The following CNTNAP4 variants were observed in gnomAD, a reference collection of about 807,000 sequenced individuals.
CNTNAP4 encodes contactin-associated protein-like 4.
In CNTNAP4, 98 loss-of-function variants were observed where a neutral mutation model predicts 148.4. The ratio of observed to expected loss-of-function variants is 0.66; its 90% CI spans 0.56 to 0.78. CNTNAP4 has a LOEUF of 0.78. CNTNAP4 is among the 30% of genes least tolerant of loss of function. The pLI is 0.00. For synonymous variants in CNTNAP4, 730 were observed against 565.1 expected, an observed-to-expected ratio of 1.29 and a Z score of -4.14; for missense variants, 1,935 against 1,565.6, an observed-to-expected ratio of 1.24 and a Z score of -3.98.
intron 1 of CNTNAP4, among the ~76,000 whole-genome samples, chr16:76,314,193 T>C (rs1191862470): frequency 6.6e-6 from 1 of 152,242 alleles, no homozygotes; most frequent in Non-Finnish European, 1.5e-5. Context: ...GTGTAATATA[T>C]TTTATATGAA....
intron 1 of CNTNAP4, among the ~76,000 whole-genome samples, chr16:76,313,373 C>G (rs566863310): frequency 6.6e-6 from 1 of 152,294 alleles, no homozygotes; most frequent in Admixed American, 6.5e-5. Context: ...CTAGTAAACA[C>G]ACACCCACAT....
At chr16:76,331,520 A>G (rs1407505229) in intron 2 of CNTNAP4, among the ~76,000 whole-genome samples, 1 of 146,834 alleles carries the variant, frequency 6.8e-6, no homozygotes, top group Non-Finnish European at 1.5e-5. Flanking sequence ...TTTTTTTCTT[A>G]GTGATTACTT....
intron 3 of CNTNAP4, among the ~76,000 whole-genome samples, chr16:76,372,621 G>A (rs1184749711): frequency 6.6e-6 from 1 of 152,056 alleles, no homozygotes; most frequent in Admixed American, 6.5e-5. Flanking sequence ...CCTTTCGCTT[G>A]GCTCTCATTC....
In CNTNAP4 at chr16:76,493,779, A is replaced by G. The variant is rs934699163; in HGVS notation, c.2081-1131A>G. 3.3e-5 allele frequency among the ~76,000 whole-genome samples: 5 copies of G among 152,206 alleles called. No individual in the cohort carries two copies. In the South Asian group the frequency reaches 8.3e-4, roughly 25 times the overall value. On this transcript the variant is annotated intron_variant, in intron 13 of 23. Transcript: ENST00000611870. Reference sequence around the variant, plus strand: ...TTTATGCATAACACAGCTTCTAATAACTCTTTGCTGGTTTTTTGTTTTTGT... The same window carrying G: ...TTTATGCATAACACAGCTTCTAATAGCTCTTTGCTGGTTTTTTGTTTTTGT...
At chr16:76,522,848 C>T (rs900004708) in intron 17 of CNTNAP4, among the ~76,000 whole-genome samples, 5 of 151,032 alleles carry the variant, frequency 3.3e-5, no homozygotes, top group African/African-American at 9.7e-5. Context: ...CTGCAACCTC[C>T]GCCCCCAGGG....
At chr16:76,340,675 C>G (rs1258918520) in intron 2 of CNTNAP4, among the ~76,000 whole-genome samples, 1 of 152,188 alleles carries the variant, frequency 6.6e-6, no homozygotes, top group Admixed American at 6.5e-5. Flanking sequence ...CCTATTCTAG[C>G]ATGCAAACAT....
chr16:76,504,857 C>T (rs2082784162), intron 15 of CNTNAP4, among the ~76,000 whole-genome samples: 1 of 152,086 alleles, frequency 6.6e-6, no homozygotes, highest in Non-Finnish European at 1.5e-5. Context: ...AGTAAAGATC[C>T]TTAGCATCAT....
At position 76,553,011 on chromosome 16, in the gene CNTNAP4, C is replaced by G. The variant is rs940965724; in HGVS notation, c.3443-272C>G. 1.1e-4 allele frequency among the ~76,000 whole-genome samples: 17 copies of G among 152,194 alleles called. 1 individual carries two copies. The highest frequency in any genetic ancestry group is 2.0e-4 in the Admixed American group (3 of 15,284). On this transcript the variant is annotated intron_variant, in intron 21 of 23. Transcript: ENST00000611870. ...AAGTATCATGACACCCTCATCACTTCTTAACCTGACCCATTCTTATGCTTT... is the reference window on the plus strand; with the variant it reads ...AAGTATCATGACACCCTCATCACTTGTTAACCTGACCCATTCTTATGCTTT...
chr16:76,285,461 CA>C (rs1958841964), intron 1 of CNTNAP4, among the ~76,000 whole-genome samples: 1 of 152,002 alleles, frequency 6.6e-6, no homozygotes, highest in Non-Finnish European at 1.5e-5. Flanking sequence ...GTGATATTAT[CA>C]GTTGGCCTAT....
At chr16:76,287,298 G>A (rs1464697829) in intron 1 of CNTNAP4, among the ~76,000 whole-genome samples, 2 of 152,120 alleles carry the variant, frequency 1.3e-5, no homozygotes, top group East Asian at 1.9e-4. Flanking sequence ...ATGGAAAAAG[G>A]AGGCTAATGT....
chr16:76,468,209 C>T (rs886804020), intron 10 of CNTNAP4, among the ~76,000 whole-genome samples: 2 of 152,112 alleles, frequency 1.3e-5, no homozygotes, highest in African/African-American at 4.8e-5. Flanking sequence ...CGCAGTGGCT[C>T]ATGCCTGTAA....
intron 3 of CNTNAP4, among the ~76,000 whole-genome samples, chr16:76,363,128 C>A (rs1175477244): frequency 6.7e-6 from 1 of 149,942 alleles, no homozygotes; most frequent in Non-Finnish European, 1.5e-5. Context: ...AACTGGATAT[C>A]CACATGCAAA....
chr16:76,448,141 A>C lies in CNTNAP4; in HGVS notation c.668A>C (p.His223Pro). ...KTMQSDGILLHREGPNGDHIT... is the reference protein window; with the variant it reads ...KTMQSDGILLPREGPNGDHIT... The stretch of plus-strand genomic sequence containing the variant: ...ATGCAGAGTGATGGGATTCTACTCC[A>C]CAGGGAAGGGCCAAATGGAGATCAC... The change falls in exon 5 of 24, where the codon CAC becomes CCC. Residue 223 changes from histidine to proline, a missense_variant. By Grantham distance (77) the His-to-Pro change is moderately conservative. Transcript: ENST00000611870. 6.2e-7 allele frequency: 1 copy of C among 1,613,632 alleles called. No individual in the cohort carries two copies. The highest frequency in any genetic ancestry group is 8.5e-7 in the Non-Finnish European group (1 of 1,179,590).
At chr16:76,406,808 A>G (rs1331169505) in intron 3 of CNTNAP4, among the ~76,000 whole-genome samples, 3 of 152,188 alleles carry the variant, frequency 2.0e-5, no homozygotes, top group Non-Finnish European at 4.4e-5. Context: ...GCTGGAAGCT[A>G]GCAGAGGTTG....
chr16:76,311,750 C>G (rs534133427), intron 1 of CNTNAP4, among the ~76,000 whole-genome samples: 1 of 152,078 alleles, frequency 6.6e-6, no homozygotes, highest in Non-Finnish European at 1.5e-5. Flanking sequence ...ATTGTACAGA[C>G]GTCCATGAAA....
intron 1 of CNTNAP4, among the ~76,000 whole-genome samples, chr16:76,296,299 T>C (rs2143880760): frequency 6.6e-6 from 1 of 152,324 alleles, no homozygotes; most frequent in Non-Finnish European, 1.5e-5. Context: ...TTTTCCTGCC[T>C]TCCATTCAAA....
intron 4 of CNTNAP4, among the ~76,000 whole-genome samples, chr16:76,446,711 T>TA (rs534756061): frequency 7.9e-4 from 120 of 152,272 alleles, no homozygotes; most frequent in African/African-American, 2.7e-3. Context: ...TGCCCTTAAA[T>TA]ACTACCACTT....
chr16:76,536,957 C>A (rs974722203), intron 18 of CNTNAP4, among the ~76,000 whole-genome samples: 6 of 152,116 alleles, frequency 3.9e-5, no homozygotes, highest in Non-Finnish European at 5.9e-5. Flanking sequence ...TCCTGACTTA[C>A]AAAGAAAGCA....
intron 3 of CNTNAP4, among the ~76,000 whole-genome samples, chr16:76,363,176 T>C (rs1034084277): frequency 1.3e-5 from 2 of 151,104 alleles, no homozygotes. Context: ...TTTTTTTTTT[T>C]GGGAGTTGGA....
Sources: allele counts gnomAD v4.1 joint callset (sites outside exome capture counted in the v4.1 genomes callset), GRCh38; gene constraint gnomAD v4.1.1; transcripts MANE v1.5; gene names NCBI Gene and HGNC (gene_info 2026-07-23, HGNC 2026-07-21).